SRGAP2C: variants seen among roughly 807,000 people sequenced by gnomAD.
SRGAP2C encodes the protein SLIT-ROBO Rho GTPase-activating protein 2C.
Under a neutral mutation model 25.1 loss-of-function variants are expected in SRGAP2C, and 15 were observed. That is an observed-to-expected ratio of 0.60 (90% CI 0.40 to 0.92). SRGAP2C has a LOEUF of 0.92. Among genes scored for constraint, SRGAP2C ranks in the 40% least tolerant of loss-of-function variants. The probability of loss-of-function intolerance (pLI) is 0.00; values close to 1 mark genes in which losing one functional copy is unlikely to be tolerated. For missense variants in SRGAP2C, 144 were observed against 264.4 expected, an observed-to-expected ratio of 0.54 and a Z score of 3.16; for synonymous variants, 44 against 96.6, an observed-to-expected ratio of 0.46 and a Z score of 3.19.
intron 3 of SRGAP2C, among the ~76,000 whole-genome samples, chr1:121,285,276 T>A (rs1326672253): frequency 4.2e-4 from 63 of 151,024 alleles, no homozygotes; most frequent in African/African-American, 1.3e-3. Context: ...TATGTTAGTT[T>A]GCTTAATCCC....
intron 3 of SRGAP2C, among the ~76,000 whole-genome samples, chr1:121,315,238 G>A (rs1421736201): frequency 1.3e-5 from 2 of 151,882 alleles, no homozygotes; most frequent in Admixed American, 1.3e-4. Context: ...GAAGCTCCTG[G>A]GCTCACGCGA....
chr1:121,351,734 TAAACAAA>T lies in SRGAP2C; in HGVS notation c.424-13557_424-13551del, dbSNP rs1553346016. ...CAAAGTATGGCATACCTATACAATT[TAAACAAA>T]ATGTGTCATGTCCATACAATAGAGT... is the stretch of plus-strand genomic sequence containing the variant. On this transcript the variant is annotated intron_variant, in intron 4 of 9. Coordinates refer to ENST00000367123, the MANE Select transcript of SRGAP2C (RefSeq NM_001329984.2). Among the ~76,000 whole-genome samples the T allele has an allele frequency of 4.1e-5, 6 of 148,024 alleles. No individual in the cohort carries two copies. In the East Asian group the frequency reaches 1.2e-3, roughly 29 times the overall value.
chr1:121,357,514 T>C (rs2101641160), intron 4 of SRGAP2C, among the ~76,000 whole-genome samples: 1 of 152,306 alleles, frequency 6.6e-6, no homozygotes, highest in South Asian at 2.1e-4. Context: ...TCTTTCTTTG[T>C]TTTGTTTTGG....
Position 121,324,531 on chromosome 1 carries a change from A to T in SRGAP2C, c.314A>T (p.Gln105Leu). 1 of 1,613,568 alleles carries T rather than the reference A, an allele frequency of 6.2e-7. No individual in the cohort carries two copies. The highest frequency in any genetic ancestry group is 1.1e-5 in the South Asian group (1 of 91,074). ...AACTGCTGGAATCTCCTCTTAAACC[A>T]GGTGAAGTGGGAAAGCAGGGACCAT... The part of the protein sequence containing the change: ...PVNCWNLLLN[Q>L]VKWESRDHTT... Residue 105 changes from glutamine (Q) to leucine (L), a missense_variant, in exon 4 of 10, where the codon CAG becomes CTG. Coordinates refer to ENST00000367123, the MANE Select transcript of SRGAP2C (RefSeq NM_001329984.2).
rs1356959384 is a variant in SRGAP2C, at chr1:121,206,348, G to A, written c.67+18835G>A. Among the ~76,000 whole-genome samples, 3 of 152,184 alleles carry A rather than the reference G, an allele frequency of 2.0e-5. No individual in the cohort carries two copies. The East Asian group carries it at 5.8e-4, about 29-fold the overall frequency. The stretch of plus-strand genomic sequence containing the variant: ...CACCCAATAAATGTGTGCTGAGTGA[G>A]GGAGTAGACTCTTGGGCTGGAGCAG... On this transcript the variant is annotated intron_variant, in intron 2 of 9. Coordinates refer to ENST00000367123, the MANE Select transcript of SRGAP2C (RefSeq NM_001329984.2).
intron 4 of SRGAP2C, among the ~76,000 whole-genome samples, chr1:121,339,344 C>T (rs1553342833): frequency 3.3e-5 from 5 of 150,966 alleles, no homozygotes; most frequent in African/African-American, 7.3e-5. Flanking sequence ...CTCCGCCTCC[C>T]GGGTTCAAGT....
Position 121,390,795 on chromosome 1 carries a change from CT to C in SRGAP2C, c.*2941del, listed in dbSNP as rs1431468147. 18 of 151,930 alleles carry C rather than the reference CT, an allele frequency of 1.2e-4. No homozygotes were observed. The highest frequency in any genetic ancestry group is 2.1e-4 in the South Asian group (1 of 4,800). 9.4% of individuals were successfully genotyped at this position (151,930 alleles called of 1,614,324 possible). A position where few individuals can be genotyped will look rare whatever the true frequency, so the allele number is the denominator to read the frequency against. ...GCGGCTCATGCCTGTAATCCCAGCGCTGTGGGAGCCTGAGGCGGGTGGGTCT... is the reference window on the plus strand; with the variant it reads ...GCGGCTCATGCCTGTAATCCCAGCGCGTGGGAGCCTGAGGCGGGTGGGTCT... On this transcript the variant is annotated 3_prime_UTR_variant, in exon 10 of 10. Transcript: ENST00000367123.
chr1:121,254,629 G>C (rs1184277022), intron 2 of SRGAP2C, among the ~76,000 whole-genome samples: 2 of 148,796 alleles, frequency 1.3e-5, no homozygotes, highest in Admixed American at 1.4e-4. Flanking sequence ...AGAGTAGCTG[G>C]GGGTTGGCAC....
intron 7 of SRGAP2C, 102 bp downstream of exon 7, chr1:121,375,056 A>G: frequency 1.5e-6 from 1 of 658,134 alleles, no homozygotes; most frequent in Non-Finnish European, 2.8e-6. Flanking sequence ...GTGCATTTTG[A>G]GAACAATTAG....
chr1:121,377,110 T>A (rs1236156831), intron 7 of SRGAP2C, among the ~76,000 whole-genome samples: 66 of 122,568 alleles, frequency 5.4e-4, no homozygotes, highest in African/African-American at 1.7e-3. Context: ...TTTCATCATT[T>A]AAAAAAAAAA....
chr1:121,280,544 A>T lies in SRGAP2C; in HGVS notation c.68-4259A>T, dbSNP rs1323839855. 2.0e-4 allele frequency among the ~76,000 whole-genome samples: 31 copies of T among 151,640 alleles called. 1 individual carries two copies. Among genetic ancestry groups the T allele is most frequent in the Non-Finnish European group, 3.4e-4 (23 of 67,780 alleles). ...CACCATCACCTAGCACAGTGCCTCC[A>T]TACAGGAAAGGCTCAGTAAGATTTG... is the stretch of plus-strand genomic sequence containing the variant. On this transcript the variant is annotated intron_variant, in intron 2 of 9. Transcript: ENST00000367123.
intron 3 of SRGAP2C, among the ~76,000 whole-genome samples, chr1:121,287,592 C>T (rs1324663403): frequency 2.4e-4 from 36 of 152,184 alleles, no homozygotes; most frequent in Admixed American, 1.0e-3. Context: ...AGCTTATGGA[C>T]GTATTTGTTA....
chr1:121,308,433 A>G (rs1657898134), intron 3 of SRGAP2C, among the ~76,000 whole-genome samples: 1 of 151,394 alleles, frequency 6.6e-6, no homozygotes, highest in African/African-American at 2.4e-5. Context: ...CAGAAGATTC[A>G]CTGAGTTTGG....
At chr1:121,301,971 AGTTT>A (rs1419654994) in intron 3 of SRGAP2C, among the ~76,000 whole-genome samples, 1 of 149,134 alleles carries the variant, frequency 6.7e-6, no homozygotes, top group Non-Finnish European at 1.5e-5. Context: ...AAATATTTTA[AGTTT>A]GTTTATATAC....
intron 3 of SRGAP2C, among the ~76,000 whole-genome samples, chr1:121,308,453 G>T (rs1657898606): frequency 1.3e-5 from 2 of 151,324 alleles, no homozygotes; most frequent in African/African-American, 4.8e-5. Context: ...GGAATTTCCA[G>T]AGAATCAGAT....
At chr1:121,259,571 A>T (rs1656564027) in intron 2 of SRGAP2C, among the ~76,000 whole-genome samples, 2 of 150,882 alleles carry the variant, frequency 1.3e-5, no homozygotes, top group Non-Finnish European at 3.0e-5. Flanking sequence ...TTTTACAATT[A>T]TTCATTCATT....
intron 4 of SRGAP2C, among the ~76,000 whole-genome samples, chr1:121,351,677 G>A (rs1553345964): frequency 1.3e-5 from 2 of 150,534 alleles, no homozygotes; most frequent in East Asian, 3.9e-4. Flanking sequence ...CATCCCAAAT[G>A]TTAATGAAGT....
At chr1:121,362,747 T>C (rs1306994481) in intron 4 of SRGAP2C, 1 of 147,780 alleles carries the variant, frequency 6.8e-6, no homozygotes, top group Non-Finnish European at 1.5e-5. Flanking sequence ...GTTGCCTCAC[T>C]TCACCTCCTT....
chr1:121,390,479 CTA>C lies in SRGAP2C; in HGVS notation c.*2626_*2627del, dbSNP rs1459733566. 2.8e-5 allele frequency: 2 copies of C among 71,742 alleles called. No individual in the cohort carries two copies. The highest frequency in any genetic ancestry group is 1.1e-4 in the African/African-American group (2 of 18,050). 4.4% of individuals were successfully genotyped at this position (71,742 alleles called of 1,614,324 possible). A position where few individuals can be genotyped will look rare whatever the true frequency, so the allele number is the denominator to read the frequency against. ...TCAGAGCAGCACATCCTGGAAGATC[CTA>C]TCTTTTGTAAGTTTAAGAAGCAGCC... On this transcript the variant is annotated 3_prime_UTR_variant, in exon 10 of 10. Coordinates refer to ENST00000367123, the MANE Select transcript of SRGAP2C (RefSeq NM_001329984.2).
Sources: gnomAD v4.1 joint callset for allele counts (sites outside exome capture counted in the v4.1 genomes callset) on GRCh38, gnomAD v4.1.1 for gene constraint, MANE v1.5 for transcripts, NCBI Gene and HGNC (gene_info 2026-07-23, HGNC 2026-07-21) for gene names.